The following PPP2R2D variants were observed in gnomAD, a reference collection of about 807,000 sequenced individuals.
The protein encoded by PPP2R2D is protein phosphatase 2 regulatory subunit Bdelta, also known as serine/threonine-protein phosphatase 2A 55 kDa regulatory subunit B delta isoform.
A neutral mutation model predicts 31.1 loss-of-function variants in PPP2R2D; 9 were observed. The observed-to-expected ratio is 0.29, with a 90% CI of 0.17 to 0.51. PPP2R2D has a LOEUF of 0.51. Among genes scored for constraint, PPP2R2D ranks in the 20% least tolerant of loss-of-function variants. The pLI is 0.98. For synonymous variants in PPP2R2D, 179 were observed against 172.6 expected (o/e 1.04, Z -0.29); for missense variants, 391 against 465.6 (o/e 0.84, Z 1.48).
intron 2 of PPP2R2D, among the ~76,000 whole-genome samples, chr10:131,912,807 C>T (rs2035705618): frequency 6.6e-6 from 1 of 152,106 alleles, no homozygotes; most frequent in South Asian, 2.1e-4. Flanking sequence ...GCATAGTATT[C>T]CCTTAGTTAT....
downstream of PPP2R2D, among the ~76,000 whole-genome samples, chr10:131,964,363 G>A (rs374449281): frequency 2.7e-5 from 4 of 150,882 alleles, no homozygotes; most frequent in Non-Finnish European, 4.4e-5. Context: ...ACAAATAACC[G>A]TCACCACCAC....
chr10:131,933,556 G>A (rs2036280739), intron 2 of PPP2R2D, among the ~76,000 whole-genome samples: 1 of 152,114 alleles, frequency 6.6e-6, no homozygotes, highest in Non-Finnish European at 1.5e-5. Context: ...AAGCTCTGAT[G>A]GCCCCTCGGG....
chr10:131,935,132 G>A, intron 3 of PPP2R2D: 1 of 355,916 alleles, frequency 2.8e-6, no homozygotes, highest in Non-Finnish European at 5.6e-6. Context: ...CCCGGTCACG[G>A]CACTGCCTTT....
At chr10:131,913,791 CA>C (rs1243305479) in intron 2 of PPP2R2D, among the ~76,000 whole-genome samples, 2 of 152,126 alleles carry the variant, frequency 1.3e-5, no homozygotes, top group African/African-American at 4.8e-5. Context: ...AGCTCAGAGG[CA>C]GGGGCAACCA....
At chr10:131,951,935 C>A (rs1195483838) in intron 8 of PPP2R2D, among the ~76,000 whole-genome samples, 1 of 152,236 alleles carries the variant, frequency 6.6e-6, no homozygotes, top group Non-Finnish European at 1.5e-5. Context: ...ATCTTTCTTT[C>A]CAGAGTGGCA....
Position 131,945,587 on chromosome 10 carries a change from G to A in PPP2R2D, c.820+128G>A, listed in dbSNP as rs2036522617. On this transcript the variant is annotated intron_variant, in intron 7 of 8. Transcript: ENST00000455566. The surrounding 1 kb of genome is among the most constrained non-coding windows in gnomAD (Gnocchi z 4.8). ...CAAGTCTTCTGCCTCGGCCTCCCGA[G>A]TAGCTGGGACCACAGGCAGGTGCCA... The A allele has an allele frequency of 6.2e-6, 7 of 1,131,892 alleles. No homozygotes were observed. The highest frequency in any genetic ancestry group is 1.6e-5 in the South Asian group (1 of 63,220). 70.1% of individuals were successfully genotyped at this position (1,131,892 alleles called of 1,614,324 possible).
chr10:131,932,966 T>C (rs1178994461), intron 2 of PPP2R2D, among the ~76,000 whole-genome samples: 1 of 152,220 alleles, frequency 6.6e-6, no homozygotes, highest in African/African-American at 2.4e-5. Context: ...CTGACAGAGC[T>C]AGAATACAAT....
intron 3 of PPP2R2D, among the ~76,000 whole-genome samples, chr10:131,936,845 G>T (rs1355768755): frequency 6.6e-6 from 1 of 152,206 alleles, no homozygotes; most frequent in Non-Finnish European, 1.5e-5. Context: ...TCGTATTTCG[G>T]TTCACGTCTG....
Position 131,945,387 on chromosome 10 carries a change from T to C in PPP2R2D, c.748T>C (p.Tyr250His). 1 of 1,614,240 alleles carries C rather than the reference T, an allele frequency of 6.2e-7. No homozygotes were observed. The highest frequency in any genetic ancestry group is 8.5e-7 in the Non-Finnish European group (1 of 1,180,048). ...CCCGCACCAGTGCAACGTGTTCGTC[T>C]ACAGCAGTAGCAAAGGGACCATCCG... ...FHPHQCNVFV[Y>H]SSSKGTIRLC... is the part of the protein sequence containing the mutation. Residue 250 changes from tyrosine to histidine, a missense_variant, in exon 7 of 9, where the codon TAC (tyrosine) becomes CAC (histidine). Physicochemically the swap from Tyr to His is moderately conservative, Grantham distance 83. Coordinates refer to ENST00000455566, the MANE Select transcript of PPP2R2D (RefSeq NM_018461.5). This position sits in a 1 kb window ranked among gnomAD's most constrained non-coding sequence, Gnocchi z 4.8.
intron 2 of PPP2R2D, among the ~76,000 whole-genome samples, chr10:131,926,107 G>A (rs2119818093): frequency 6.6e-6 from 1 of 152,294 alleles, no homozygotes; most frequent in African/African-American, 2.4e-5. Flanking sequence ...GTTTGCCTGT[G>A]TATTGCATTT....
intron 2 of PPP2R2D, among the ~76,000 whole-genome samples, chr10:131,905,683 G>A (rs1341864500): frequency 6.6e-6 from 1 of 152,238 alleles, no homozygotes; most frequent in Non-Finnish European, 1.5e-5. Context: ...CCCAGTCTCA[G>A]ATGCAGAATC....
At chr10:131,937,532 A>C (rs1318102217) in intron 3 of PPP2R2D, among the ~76,000 whole-genome samples, 2 of 151,372 alleles carry the variant, frequency 1.3e-5, no homozygotes, top group Non-Finnish European at 2.9e-5. Flanking sequence ...GAGATCTGGG[A>C]GTGTTGGAGA....
downstream of PPP2R2D, among the ~76,000 whole-genome samples, chr10:131,962,254 G>A (rs1257188971): frequency 2.6e-5 from 4 of 152,182 alleles, no homozygotes; most frequent in African/African-American, 9.7e-5. Context: ...CTGAAACCGC[G>A]TTTCGTGAAG....
intron 2 of PPP2R2D, among the ~76,000 whole-genome samples, chr10:131,916,690 T>C (rs1431056735): frequency 7.8e-6 from 1 of 128,720 alleles, no homozygotes; most frequent in Non-Finnish European, 1.6e-5. Context: ...CTCAGGCAGG[T>C]GGAATGACAT....
At chr10:131,908,251 T>A (rs2035629037) in intron 2 of PPP2R2D, among the ~76,000 whole-genome samples, 1 of 152,196 alleles carries the variant, frequency 6.6e-6, no homozygotes, top group African/African-American at 2.4e-5. Context: ...TCAGTGATTA[T>A]TCCCATCCCT....
At chr10:131,970,848 C>T in the PPP2R2D span, 1 of 1,614,224 alleles carries the variant, frequency 6.2e-7, no homozygotes, top group Middle Eastern at 1.6e-4. This position sits in a 1 kb window ranked among gnomAD's most constrained non-coding sequence, Gnocchi z 4.1. Context: ...CCCCGTGACA[C>T]TGAGAACACA....
intron 8 of PPP2R2D, among the ~76,000 whole-genome samples, chr10:131,954,052 T>G (rs1554899532): frequency 6.6e-6 from 1 of 152,182 alleles, no homozygotes; most frequent in African/African-American, 2.4e-5. Context: ...TGGCAGCGCC[T>G]TCTTGTGTTC....
chr10:131,949,424 G>C (rs1231656000), intron 8 of PPP2R2D, among the ~76,000 whole-genome samples: 2 of 152,180 alleles, frequency 1.3e-5, no homozygotes, highest in Non-Finnish European at 2.9e-5. Context: ...CGCATGCTGG[G>C]TAGCTGCTGC....
At chr10:131,916,868 C>T (rs1466308543) in intron 2 of PPP2R2D, among the ~76,000 whole-genome samples, 5 of 146,140 alleles carry the variant, frequency 3.4e-5, no homozygotes, top group Non-Finnish European at 7.4e-5. Context: ...GGTGGAATGA[C>T]AGTGTTTGTA....
Sources: allele counts gnomAD v4.1 joint callset (sites outside exome capture counted in the v4.1 genomes callset), GRCh38; gene constraint gnomAD v4.1.1; non-coding constraint Gnocchi (gnomAD v3.1); transcripts MANE v1.5; gene names NCBI Gene and HGNC (gene_info 2026-07-23, HGNC 2026-07-21).